Variants in RBFOX1 observed in about 807,000 individuals in gnomAD.
RBFOX1 encodes RNA binding fox-1 homolog 1, also known as RNA binding protein fox-1 homolog 1.
RBFOX1 carries 8 observed loss-of-function variants against 57.7 expected under a neutral mutation model. That is an observed-to-expected ratio of 0.14 (90% confidence interval 0.08 to 0.25). The LOEUF (loss-of-function observed/expected upper bound fraction) is 0.25. RBFOX1 is among the 10% of genes least tolerant of loss of function. The probability of loss-of-function intolerance (pLI) is 1.00; values close to 1 mark genes in which losing one functional copy is unlikely to be tolerated. For synonymous variants in RBFOX1, 326 were observed against 222.4 expected (o/e 1.47, Z -4.15); for missense variants, 611 against 548.5 (o/e 1.11, Z -1.14).
intron 2 of RBFOX1, among the ~76,000 whole-genome samples, chr16:5,534,337 A>G (rs945939204): frequency 6.6e-6 from 1 of 152,216 alleles, no homozygotes; most frequent in African/African-American, 2.4e-5. Context: ...TCATACGATC[A>G]GAAAGTGAAG....
At chr16:7,429,644 C>G (rs898753229) in intron 4 of RBFOX1, among the ~76,000 whole-genome samples, 1 of 152,136 alleles carries the variant, frequency 6.6e-6, no homozygotes, top group Non-Finnish European at 1.5e-5. Context: ...ATGGGAGGAA[C>G]TGATAAAAAC....
chr16:5,955,977 A>G (rs575422783), intron 4 of RBFOX1, among the ~76,000 whole-genome samples: 3 of 152,270 alleles, frequency 2.0e-5, no homozygotes, highest in African/African-American at 4.8e-5. Flanking sequence ...ATAAAAATAC[A>G]TTGGCCATGC....
chr16:7,542,699 GAA>G (rs59316335), intron 5 of RBFOX1, among the ~76,000 whole-genome samples: 46,653 of 74,286 alleles, frequency 0.63, 13,381 homozygotes, highest in Middle Eastern at 0.76. Context: ...TACTAAAAAT[GAA>G]AAAAAAAAAA....
At chr16:5,730,962 GTCA>G (rs528627896) in intron 3 of RBFOX1, among the ~76,000 whole-genome samples, 59 of 146,010 alleles carry the variant, frequency 4.0e-4, no homozygotes, top group African/African-American at 1.4e-3. Flanking sequence ...TATCACCACC[GTCA>G]TCATCGTTAC....
At chr16:7,486,661 A>C (rs2065476870) in intron 4 of RBFOX1, among the ~76,000 whole-genome samples, 1 of 152,064 alleles carries the variant, frequency 6.6e-6, no homozygotes, top group Admixed American at 6.5e-5. Context: ...GGCTTGATAG[A>C]AGGTATGTGT....
At chr16:6,991,328 C>G (rs1368483474) in intron 3 of RBFOX1, among the ~76,000 whole-genome samples, 1 of 151,978 alleles carries the variant, frequency 6.6e-6, no homozygotes, top group Admixed American at 6.6e-5. Flanking sequence ...TTCTGCATTT[C>G]TCCATTTCAG....
At chr16:6,075,203 G>A (rs192943164) in intron 1 of RBFOX1, among the ~76,000 whole-genome samples, 1 of 152,156 alleles carries the variant, frequency 6.6e-6, no homozygotes, top group African/African-American at 2.4e-5. Flanking sequence ...TTAACCAAAA[G>A]GTTGAAGTTA....
intron 3 of RBFOX1, among the ~76,000 whole-genome samples, chr16:5,631,543 G>A (rs986277314): frequency 1.3e-5 from 2 of 150,284 alleles, no homozygotes; most frequent in South Asian, 2.1e-4. Context: ...GTGACAGACC[G>A]AGACTCCATA....
chr16:5,259,685 A>C (rs2062683878), intron 1 of RBFOX1, among the ~76,000 whole-genome samples: 1 of 152,142 alleles, frequency 6.6e-6, no homozygotes, highest in African/African-American at 2.4e-5. Context: ...GTTTGTCATG[A>C]GTTAATGTGA....
chr16:7,037,640 A>C (rs555514596), intron 3 of RBFOX1, among the ~76,000 whole-genome samples: 1 of 152,234 alleles, frequency 6.6e-6, no homozygotes, highest in South Asian at 2.1e-4. Flanking sequence ...TGTGATAGGC[A>C]CTCTTCTAAT....
At chr16:5,880,936 T>C (rs2057746634) in intron 4 of RBFOX1, among the ~76,000 whole-genome samples, 2 of 152,240 alleles carry the variant, frequency 1.3e-5, no homozygotes, top group African/African-American at 4.8e-5. Flanking sequence ...GCGATAAGCA[T>C]TATGATATTT....
At chr16:7,098,556 T>A (rs1428683681) in intron 4 of RBFOX1, among the ~76,000 whole-genome samples, 1 of 152,170 alleles carries the variant, frequency 6.6e-6, no homozygotes, top group Non-Finnish European at 1.5e-5. Flanking sequence ...CACACACACA[T>A]CAGCACCCTT....
At chr16:6,710,683 G>C (rs1568311007) in intron 3 of RBFOX1, among the ~76,000 whole-genome samples, 1 of 152,232 alleles carries the variant, frequency 6.6e-6, no homozygotes, top group East Asian at 1.9e-4. Flanking sequence ...ACCTGCTGCA[G>C]TTTGGAAATT....
At chr16:7,488,668 CCAT>C (rs1458727454) in intron 4 of RBFOX1, among the ~76,000 whole-genome samples, 1 of 152,148 alleles carries the variant, frequency 6.6e-6, no homozygotes, top group African/African-American at 2.4e-5. Flanking sequence ...ATCAATCTGT[CCAT>C]CATCTATCCA....
intron 4 of RBFOX1, among the ~76,000 whole-genome samples, chr16:7,221,064 C>A (rs1005750674): frequency 2.6e-5 from 4 of 152,108 alleles, no homozygotes; most frequent in Non-Finnish European, 5.9e-5. Context: ...TGTTCGCTGT[C>A]TTCATTAAAA....
chr16:6,969,074 C>T (rs918074538), intron 3 of RBFOX1, among the ~76,000 whole-genome samples: 51 of 152,236 alleles, frequency 3.4e-4, no homozygotes, highest in African/African-American at 1.2e-3. Context: ...GTGTCAAGAG[C>T]ACTTACAGGA....
At chr16:6,155,746 C>T (rs1034021894) in intron 1 of RBFOX1, among the ~76,000 whole-genome samples, 2 of 152,164 alleles carry the variant, frequency 1.3e-5, no homozygotes, top group African/African-American at 4.8e-5. Flanking sequence ...CGGCAGGTGG[C>T]TAACAGCGGC....
chr16:7,558,197 T>C (rs2089296084), intron 5 of RBFOX1, among the ~76,000 whole-genome samples: 1 of 151,850 alleles, frequency 6.6e-6, no homozygotes, highest in African/African-American at 2.4e-5. Flanking sequence ...CCACTAAAAA[T>C]ACAAAAATTA....
intron 3 of RBFOX1, among the ~76,000 whole-genome samples, chr16:6,772,453 TG>T (rs1156742064): frequency 6.6e-6 from 1 of 151,726 alleles, no homozygotes; most frequent in Non-Finnish European, 1.5e-5. Flanking sequence ...TATGTATGTG[TG>T]GGCATGGGGT....
Sources: gnomAD v4.1 joint callset for allele counts (sites outside exome capture counted in the v4.1 genomes callset) on GRCh38, gnomAD v4.1.1 for gene constraint, MANE v1.5 for transcripts, NCBI Gene and HGNC (gene_info 2026-07-23, HGNC 2026-07-21) for gene names.